PCDHGA1: variants seen among roughly 807,000 people sequenced by gnomAD.
PCDHGA1 encodes protocadherin gamma-A1.
In PCDHGA1, 32 loss-of-function variants were observed where a neutral mutation model predicts 58.0. The ratio of observed to expected loss-of-function variants is 0.55; its 90% CI spans 0.42 to 0.74. The LOEUF (loss-of-function observed/expected upper bound fraction) is 0.74, where lower values mean the gene tolerates loss of function less well. Ranked by LOEUF, PCDHGA1 falls within the 30% of genes least tolerant of loss-of-function variation. The pLI is 0.00. For missense variants in PCDHGA1, 1,205 were observed against 1,182.3 expected, an observed-to-expected ratio of 1.02 and a Z score of -0.28; for synonymous variants, 498 against 501.1, an observed-to-expected ratio of 0.99 and a Z score of 0.08.
At chr5:141,341,391 C>T (rs57126813) in intron 1 of PCDHGA1, 7 of 1,614,206 alleles carry the variant, frequency 4.3e-6, no homozygotes, top group Non-Finnish European at 5.1e-6. Flanking sequence ...GAAACGTTTT[C>T]TCAGGTAATC....
At chr5:141,370,362 C>T (rs1766839959) in intron 1 of PCDHGA1, 3 of 1,517,790 alleles carry the variant, frequency 2.0e-6, no homozygotes, top group Non-Finnish European at 2.6e-6. Context: ...CTCCTCTCCT[C>T]GGATTTAGAA....
intron 1 of PCDHGA1, among the ~76,000 whole-genome samples, chr5:141,454,538 C>G (rs1229435473): frequency 6.6e-6 from 1 of 152,110 alleles, no homozygotes; most frequent in African/African-American, 2.4e-5. Context: ...TCCCAAGTAG[C>G]TGAGATTACA....
chr5:141,431,670 T>C lies in PCDHGA1; in HGVS notation c.2422-63137T>C, dbSNP rs767342240. 1 of 1,614,070 alleles carries C rather than the reference T, an allele frequency of 6.2e-7. No homozygotes were observed. The highest frequency in any genetic ancestry group is 8.5e-7 in the Non-Finnish European group (1 of 1,180,026). On this transcript the variant is annotated intron_variant, in intron 1 of 3. Coordinates refer to ENST00000517417, the MANE Select transcript of PCDHGA1 (RefSeq NM_018912.3). This position sits in a 1 kb window ranked among gnomAD's most constrained non-coding sequence, Gnocchi z 4.8. ...TGTAATTCAGGGACAATATCAACAATAGGGGAGTTGGACCACGAGGAGTCA... is the reference window on the plus strand; with the variant it reads ...TGTAATTCAGGGACAATATCAACAACAGGGGAGTTGGACCACGAGGAGTCA...
rs186484297 is a variant in PCDHGA1 at position 141,453,739 on chromosome 5, A to G, written c.2422-41068A>G. ...TAAAAATATTTGTTACTACAGCTTA[A>G]ATAACATAAGTCTCCTAAAAATAAT... On this transcript the variant is annotated intron_variant, in intron 1 of 3. Coordinates refer to ENST00000517417, the MANE Select transcript of PCDHGA1 (RefSeq NM_018912.3). Among the ~76,000 whole-genome samples, 2 of 152,370 alleles carry G rather than the reference A, an allele frequency of 1.3e-5. 1 individual carries two copies. Among genetic ancestry groups the G allele is most frequent in the Admixed American group, 1.3e-4 (2 of 15,300 alleles).
intron 1 of PCDHGA1, chr5:141,364,263 G>A (rs997057589): frequency 4.0e-6 from 6 of 1,505,766 alleles, no homozygotes; most frequent in Admixed American, 4.7e-5. Flanking sequence ...TGTACCCATC[G>A]GCTTTAGATA....
At chr5:141,506,597 C>T (rs937487600) in intron 3 of PCDHGA1, among the ~76,000 whole-genome samples, 4 of 152,150 alleles carry the variant, frequency 2.6e-5, no homozygotes, top group Admixed American at 6.5e-5. Context: ...ACAGTATTAA[C>T]GGATCTCATT....
At chr5:141,356,684 C>T (rs775190688) in intron 1 of PCDHGA1, 1 of 1,613,992 alleles carries the variant, frequency 6.2e-7, no homozygotes, top group Non-Finnish European at 8.5e-7. Flanking sequence ...GCCGAAGACA[C>T]CTTCCAGGGT....
intron 1 of PCDHGA1, chr5:141,430,688 A>G: frequency 1.4e-6 from 2 of 1,402,360 alleles, no homozygotes; most frequent in Non-Finnish European, 1.9e-6. Context: ...GTCCCATTCT[A>G]TGGGCGAAGG....
intron 1 of PCDHGA1, chr5:141,361,499 C>G: frequency 6.2e-7 from 1 of 1,614,066 alleles, no homozygotes; most frequent in Non-Finnish European, 8.5e-7. Flanking sequence ...TTCCAACAGA[C>G]TTCCTACATG....
chr5:141,447,823 C>T lies in PCDHGA1; in HGVS notation c.2422-46984C>T, dbSNP rs192381755. ...AAAATTGGCTGGGCGTGGTGGCTCA[C>T]GCCTGTAATCCCAGTGCTTTGGGAG... On this transcript the variant is annotated intron_variant, in intron 1 of 3. Coordinates refer to ENST00000517417, the MANE Select transcript of PCDHGA1 (RefSeq NM_018912.3). Among the ~76,000 whole-genome samples, 677 of 152,272 alleles carry T rather than the reference C, an allele frequency of 4.4e-3. 5 individuals are homozygous for T. Among genetic ancestry groups the T allele is most frequent in the African/African-American group, 0.015 (635 of 41,548 alleles).
chr5:141,492,106 C>T (rs1265796740), intron 1 of PCDHGA1, among the ~76,000 whole-genome samples: 2 of 152,238 alleles, frequency 1.3e-5, no homozygotes, highest in South Asian at 2.1e-4. Flanking sequence ...TGTAGATTTC[C>T]TCTTCGATTT....
intron 1 of PCDHGA1, chr5:141,405,281 G>A (rs1001215863): frequency 1.2e-6 from 2 of 1,614,158 alleles, no homozygotes; most frequent in Non-Finnish European, 1.7e-6. Flanking sequence ...CAACTATGCA[G>A]ACACACTCAT....
At chr5:141,415,737 A>G in intron 1 of PCDHGA1, 1 of 574,948 alleles carries the variant, frequency 1.7e-6, no homozygotes, top group Non-Finnish European at 2.5e-6. Flanking sequence ...GATGTTTATT[A>G]AGGTTTTTTT....
At chr5:141,441,680 C>T in intron 1 of PCDHGA1, 1 of 295,840 alleles carries the variant, frequency 3.4e-6, no homozygotes, top group South Asian at 2.8e-5. Context: ...GCGCCTTCGA[C>T]CAAGAGCAGC....
chr5:141,474,986 A>G (rs1328341214), intron 1 of PCDHGA1, among the ~76,000 whole-genome samples: 1 of 152,238 alleles, frequency 6.6e-6, no homozygotes, highest in Non-Finnish European at 1.5e-5. Context: ...GTTTGGTGAC[A>G]ACAATTCTAA....
chr5:141,410,817 ATGTCACCAGACTGAAGATATTTTGTCTT>A, intron 1 of PCDHGA1: 1 of 524,252 alleles, frequency 1.9e-6, no homozygotes, highest in Non-Finnish European at 3.1e-6. Flanking sequence ...TTGTAAAATA[ATGTCACCAGACTGAAGATATTTTGTCTT>A]TGTCTTTTTT....
chr5:141,404,435 A>G, intron 1 of PCDHGA1: 2 of 1,613,032 alleles, frequency 1.2e-6, no homozygotes, highest in South Asian at 2.2e-5. Flanking sequence ...GGCAGAGGAT[A>G]CCATCCAAGG....
At position 141,487,267 on chromosome 5, in the gene PCDHGA1, G is replaced by A; in HGVS notation, c.2422-7540G>A. 3 of 1,614,134 alleles carry A rather than the reference G, an allele frequency of 1.9e-6. No individual in the cohort carries two copies. The highest frequency in any genetic ancestry group is 2.5e-6 in the Non-Finnish European group (3 of 1,180,024). ...CCCTCTACTTGGCTGTGTCCCTAGT[G>A]GCAATTTGCTTTGTCTCCTTTGGCT... is the stretch of plus-strand genomic sequence containing the variant. On this transcript the variant is annotated intron_variant, in intron 1 of 3. Transcript: ENST00000517417. The surrounding 1 kb of genome is among the most constrained non-coding windows in gnomAD (Gnocchi z 5.0).
intron 1 of PCDHGA1, chr5:141,423,625 A>G (rs375112361): frequency 1.6e-5 from 25 of 1,606,754 alleles, no homozygotes; most frequent in Admixed American, 6.8e-5. Flanking sequence ...AGACTCAGCT[A>G]TCATTTTAGG....
Sources: gnomAD v4.1 joint callset for allele counts (sites outside exome capture counted in the v4.1 genomes callset) on GRCh38, gnomAD v4.1.1 for gene constraint, Gnocchi (gnomAD v3.1) non-coding constraint, MANE v1.5 for transcripts, NCBI Gene and HGNC (gene_info 2026-07-23, HGNC 2026-07-21) for gene names.